NFATC3: variants seen among roughly 807,000 people sequenced by gnomAD.
NFATC3 encodes the protein nuclear factor of activated T-cells, cytoplasmic 3.
A neutral mutation model predicts 98.6 loss-of-function variants in NFATC3; 46 were observed. The observed-to-expected ratio is 0.47, with a 90% CI of 0.37 to 0.60. The LOEUF (loss-of-function observed/expected upper bound fraction) is 0.60. Among genes scored for constraint, NFATC3 ranks in the 20% least tolerant of loss-of-function variants. The pLI, the probability that NFATC3 is intolerant of heterozygous loss-of-function variation, is 0.00. For synonymous variants in NFATC3, 512 were observed against 472.2 expected, an observed-to-expected ratio of 1.08 and a Z score of -1.09; for missense variants, 1,256 against 1,295.5, an observed-to-expected ratio of 0.97 and a Z score of 0.47.
At chr16:68,175,144 T>C (rs982454556) in intron 6 of NFATC3, among the ~76,000 whole-genome samples, 5 of 152,066 alleles carry the variant, frequency 3.3e-5, no homozygotes, top group African/African-American at 9.7e-5. Context: ...ACCCTGAAAA[T>C]AGGCTAAGTG....
At chr16:68,086,764 A>AT in intron 1 of NFATC3, 1 of 985,438 alleles carries the variant, frequency 1.0e-6, no homozygotes, top group African/African-American at 1.7e-5. Context: ...TTGAAAAAAC[A>AT]TACCTGAACG....
chr16:68,086,015 C>A, intron 1 of NFATC3: 1 of 429,784 alleles, frequency 2.3e-6, no homozygotes, highest in South Asian at 4.1e-5. Flanking sequence ...GTGGGGAACT[C>A]GACTCCGGGA....
intron 9 of NFATC3, among the ~76,000 whole-genome samples, chr16:68,204,278 C>T (rs2041049655): frequency 6.7e-6 from 1 of 149,952 alleles, no homozygotes; most frequent in African/African-American, 2.5e-5. Context: ...AGGAGAATCA[C>T]TTGAACCTGG....
intron 3 of NFATC3, among the ~76,000 whole-genome samples, chr16:68,144,084 CAT>C (rs1050140912): frequency 2.0e-5 from 3 of 152,014 alleles, no homozygotes; most frequent in African/African-American, 7.2e-5. Context: ...AGGGAGAAAA[CAT>C]GTGCAAAGCA....
At chr16:68,094,524 T>C (rs2034903210) in intron 1 of NFATC3, among the ~76,000 whole-genome samples, 3 of 152,326 alleles carry the variant, frequency 2.0e-5, no homozygotes, top group African/African-American at 2.4e-5. Flanking sequence ...TTCCTTGATA[T>C]TTTGACCAAT....
At chr16:68,085,964 G>A (rs967832329) in intron 1 of NFATC3, 180 bp downstream of exon 1, 4 of 471,388 alleles carry the variant, frequency 8.5e-6, no homozygotes, top group Non-Finnish European at 1.5e-5. Flanking sequence ...GTGGGTCGCT[G>A]CGACGTGGAA....
Position 68,085,739 on chromosome 16 carries a change from G to C in NFATC3, c.58G>C (p.Glu20Gln), listed in dbSNP as rs199532283. 2 of 1,508,780 alleles carry C rather than the reference G, an allele frequency of 1.3e-6. No homozygotes were observed. Among genetic ancestry groups the C allele is most frequent in the East Asian group, 5.6e-5 (2 of 35,944 alleles). 93.5% of individuals were successfully genotyped at this position (1,508,780 alleles called of 1,614,324 possible). Residue 20 changes from glutamate (E) to glutamine (Q), a missense_variant, in exon 1 of 10, where the codon GAG becomes CAG. By Grantham distance (29) the Glu-to-Gln change is conservative. Coordinates refer to ENST00000346183, the MANE Select transcript of NFATC3 (RefSeq NM_173165.3). ...DELDFKLVFG[E>Q]DGAPAPPPPG... is the part of the protein sequence containing the mutation. ...GCTCGACTTCAAACTCGTCTTTGGC[G>C]AGGACGGGGCGCCGGCGCCGCCGCC...
chr16:68,158,142 T>C (rs1389971546), intron 4 of NFATC3, 74 bp downstream of exon 4: 5 of 893,126 alleles, frequency 5.6e-6, no homozygotes, highest in Non-Finnish European at 8.3e-6. Context: ...AATATATTTT[T>C]GAATATAAAT....
chr16:68,226,213 G>GAGC (rs1162310045), intron 9 of NFATC3, 137 bp from the exon 10 acceptor site: 1 of 994,580 alleles, frequency 1.0e-6, no homozygotes, highest in Non-Finnish European at 1.4e-6. Context: ...CTCAGCTCAG[G>GAGC]AGCAGGCTTC....
chr16:68,203,140 G>A (rs1023571167), intron 9 of NFATC3, among the ~76,000 whole-genome samples: 4 of 152,140 alleles, frequency 2.6e-5, no homozygotes, highest in Non-Finnish European at 5.9e-5. Context: ...CAAGACCTTA[G>A]ACACAACCAC....
In NFATC3 at chr16:68,108,086, T is replaced by C. The variant is rs553736336; in HGVS notation, c.104-13901T>C. ...AGCTCTTTAGTTTAATTAGATCCCA[T>C]TTGTCAGTTTTTGCTTTTGTTGGCA... On this transcript the variant is annotated intron_variant, in intron 1 of 9. Coordinates refer to ENST00000346183, the MANE Select transcript of NFATC3 (RefSeq NM_173165.3). 5.9e-5 allele frequency among the ~76,000 whole-genome samples: 9 copies of C among 152,304 alleles called. No homozygotes were observed. The South Asian group carries it at 1.7e-3, about 28-fold the overall frequency.
intron 5 of NFATC3, 83 bp downstream of exon 5, chr16:68,167,098 T>A: frequency 7.1e-7 from 1 of 1,407,188 alleles, no homozygotes; most frequent in South Asian, 1.4e-5. Context: ...TGTATGCGTC[T>A]GAAGTGCAAA....
chr16:68,224,042 C>T (rs905044044), intron 9 of NFATC3, among the ~76,000 whole-genome samples: 17 of 149,018 alleles, frequency 1.1e-4, no homozygotes, highest in African/African-American at 4.2e-4. Flanking sequence ...GACAGGAGAT[C>T]GAGACCGTCC....
intron 3 of NFATC3, among the ~76,000 whole-genome samples, chr16:68,156,800 ATGTTGGTGGG>A (rs2038640996): frequency 1.3e-5 from 2 of 151,900 alleles, no homozygotes; most frequent in African/African-American, 4.8e-5. Flanking sequence ...TTAGCCGGGC[ATGTTGGTGGG>A]TGCCTGTAAT....
intron 2 of NFATC3, among the ~76,000 whole-genome samples, chr16:68,123,765 C>T (rs531039665): frequency 1.1e-4 from 17 of 151,942 alleles, no homozygotes; most frequent in South Asian, 4.2e-4. Context: ...TTTGGGAGGC[C>T]GTTGAGCCCC....
chr16:68,139,427 T>A (rs944309590), intron 3 of NFATC3, among the ~76,000 whole-genome samples: 1 of 152,190 alleles, frequency 6.6e-6, no homozygotes, highest in Non-Finnish European at 1.5e-5. Context: ...CAGAATAAGA[T>A]ATCTACATTG....
chr16:68,130,097 A>G (rs777721672), intron 3 of NFATC3, among the ~76,000 whole-genome samples: 13 of 152,206 alleles, frequency 8.5e-5, no homozygotes, highest in Non-Finnish European at 1.6e-4. Context: ...CGTTATGAAT[A>G]ATGCTGAAAG....
At chr16:68,167,056 A>C (rs2039228501) in intron 5 of NFATC3, 41 bp downstream of exon 5, 2 of 1,571,724 alleles carry the variant, frequency 1.3e-6, no homozygotes, top group South Asian at 1.1e-5. Flanking sequence ...CTTGTGTATA[A>C]TAGCTTATTT....
chr16:68,093,889 G>C (rs1164477870), intron 1 of NFATC3, among the ~76,000 whole-genome samples: 1 of 152,130 alleles, frequency 6.6e-6, no homozygotes, highest in Non-Finnish European at 1.5e-5. Context: ...TGAAAGCAAG[G>C]GTCATGTTGG....
Sources: allele counts gnomAD v4.1 joint callset (sites outside exome capture counted in the v4.1 genomes callset), GRCh38; gene constraint gnomAD v4.1.1; transcripts MANE v1.5; gene names NCBI Gene and HGNC (gene_info 2026-07-23, HGNC 2026-07-21).